Variants in NLRP7 observed in about 807,000 individuals in gnomAD.
The protein encoded by NLRP7 is NLR family pyrin domain containing 7, also known as NACHT, LRR and PYD domains-containing protein 7.
A neutral mutation model predicts 85.5 loss-of-function variants in NLRP7; 72 were observed. The observed-to-expected ratio is 0.84, with a 90% CI of 0.70 to 1.02. NLRP7 has a LOEUF of 1.02. Ranked by LOEUF, NLRP7 falls within the 50% of genes least tolerant of loss-of-function variation. The probability of loss-of-function intolerance (pLI) is 0.00; values close to 1 mark genes in which losing one functional copy is unlikely to be tolerated. For synonymous variants in NLRP7, 550 were observed against 505.2 expected, an observed-to-expected ratio of 1.09 and a Z score of -1.19; for missense variants, 1,243 against 1,219.5, an observed-to-expected ratio of 1.02 and a Z score of -0.29.
At chr19:54,960,122 G>C (rs2069989937) in intron 1 of NLRP7, among the ~76,000 whole-genome samples, 1 of 151,858 alleles carries the variant, frequency 6.6e-6, no homozygotes, top group Non-Finnish European at 1.5e-5. Context: ...TCCAACAGAA[G>C]TCTGGTGTTT....
At chr19:54,963,378 A>G (rs2146292315) in intron 1 of NLRP7, among the ~76,000 whole-genome samples, 1 of 152,146 alleles carries the variant, frequency 6.6e-6, no homozygotes. Context: ...AGATGTACAT[A>G]TACATATGTT....
intron 1 of NLRP7, among the ~76,000 whole-genome samples, chr19:54,947,201 T>C (rs2069512199): frequency 1.3e-5 from 2 of 152,034 alleles, no homozygotes; most frequent in South Asian, 4.2e-4. Flanking sequence ...GGCACGTGCC[T>C]GTAGTCCCAG....
chr19:54,964,502 C>T (rs936864809), intron 1 of NLRP7, among the ~76,000 whole-genome samples: 25 of 151,764 alleles, frequency 1.6e-4, no homozygotes, highest in Non-Finnish European at 3.5e-4. Context: ...AGGCGTGAGC[C>T]ACTGTGCCCG....
chr19:54,939,450 C>T, exon 4 of NLRP7: 1 of 1,613,866 alleles, frequency 6.2e-7, no homozygotes, highest in East Asian at 2.2e-5. Flanking sequence ...GAGACTCTGT[C>T]CTGGCGGAGG....
chr19:54,942,100 C>A (rs2069254520), intron 1 of NLRP7, among the ~76,000 whole-genome samples: 1 of 151,598 alleles, frequency 6.6e-6, no homozygotes, highest in Non-Finnish European at 1.5e-5. Flanking sequence ...TAAAAAAATA[C>A]AAAAAATTAG....
At chr19:54,936,730 C>A (rs2068945199) in intron 5 of NLRP7, among the ~76,000 whole-genome samples, 1 of 152,032 alleles carries the variant, frequency 6.6e-6, no homozygotes, top group Non-Finnish European at 1.5e-5. Flanking sequence ...GCCTGGCCAA[C>A]ATGGGGAAGC....
At chr19:54,939,118 G>A in exon 4 of NLRP7, 3 of 1,614,196 alleles carry the variant, frequency 1.9e-6, no homozygotes, top group Non-Finnish European at 2.5e-6. Context: ...CCTCCTTCAG[G>A]TCGGTCACGG....
At chr19:54,958,405 G>A (rs1247026103) in intron 1 of NLRP7, among the ~76,000 whole-genome samples, 9 of 150,932 alleles carry the variant, frequency 6.0e-5, no homozygotes, top group African/African-American at 1.7e-4. Context: ...ACTTTGGGAC[G>A]CCGAGGTGGG....
At chr19:54,958,113 G>C (rs745808379) in intron 1 of NLRP7, among the ~76,000 whole-genome samples, 2 of 152,016 alleles carry the variant, frequency 1.3e-5, no homozygotes, top group East Asian at 1.9e-4. Context: ...TACTTGGAAG[G>C]CTAGGGCAGG....
At chr19:54,923,597 A>G (rs2068308691) in exon 10 of NLRP7, 1 of 966,138 alleles carries the variant, frequency 1.0e-6, no homozygotes, top group East Asian at 2.4e-5. Flanking sequence ...AGAATCTCCC[A>G]AAAATAGTGA....
At chr19:54,944,754 G>A (rs889672991) in intron 1 of NLRP7, among the ~76,000 whole-genome samples, 1 of 151,368 alleles carries the variant, frequency 6.6e-6, no homozygotes, top group African/African-American at 2.4e-5. Flanking sequence ...GCGACACAAG[G>A]AGACCTTGTC....
At chr19:54,930,439 G>C in intron 9 of NLRP7, 60 bp downstream of exon 9, 1 of 1,230,576 alleles carries the variant, frequency 8.1e-7, no homozygotes, top group Middle Eastern at 2.2e-4. Flanking sequence ...TCCAGGCTGG[G>C]GGACAGAGCA....
At chr19:54,961,737 C>T (rs995894096) in intron 1 of NLRP7, among the ~76,000 whole-genome samples, 3 of 140,954 alleles carry the variant, frequency 2.1e-5, no homozygotes, top group Admixed American at 7.2e-5. Context: ...GCTTGAGCCC[C>T]GGAGGCAGAG....
intron 9 of NLRP7, among the ~76,000 whole-genome samples, chr19:54,924,182 G>A (rs999429118): frequency 1.3e-5 from 2 of 152,088 alleles, no homozygotes; most frequent in African/African-American, 4.8e-5. Flanking sequence ...TAGCCAGGCT[G>A]GTCTCGAACT....
At chr19:54,930,708 G>T (rs1569539322) in intron 8 of NLRP7, 42 bp from the exon 9 acceptor site, 3 of 1,558,768 alleles carry the variant, frequency 1.9e-6, no homozygotes, top group Non-Finnish European at 2.7e-6. Context: ...TATCCCTCTG[G>T]CTAACGCCCT....
At chr19:54,941,072 A>C (rs772352384) in intron 2 of NLRP7, 67 bp from the exon 3 acceptor site, 7 of 1,202,904 alleles carry the variant, frequency 5.8e-6, no homozygotes, top group Non-Finnish European at 8.7e-6. Context: ...ATTATTGTAC[A>C]TAAAGTGTCA....
chr19:54,939,760 G>A (rs753699739), exon 4 of NLRP7: 7 of 1,613,642 alleles, frequency 4.3e-6, no homozygotes, highest in African/African-American at 4.0e-5. Flanking sequence ...ACAGGGCCGC[G>A]TTGCTCCTCA....
intron 1 of NLRP7, among the ~76,000 whole-genome samples, chr19:54,946,105 CTA>C (rs2069459809): frequency 6.8e-6 from 1 of 146,572 alleles, no homozygotes; most frequent in Admixed American, 6.8e-5. Flanking sequence ...CAGGGTTTCT[CTA>C]TGTTGGCCAG....
At chr19:54,943,536 G>C (rs1240914886) in intron 1 of NLRP7, among the ~76,000 whole-genome samples, 1 of 150,194 alleles carries the variant, frequency 6.7e-6, no homozygotes, top group Non-Finnish European at 1.5e-5. Flanking sequence ...GGGAGGCGGA[G>C]CTTGCAGTGA....
Sources: gnomAD v4.1 joint callset for allele counts (sites outside exome capture counted in the v4.1 genomes callset) on GRCh38, gnomAD v4.1.1 for gene constraint, MANE v1.5 for transcripts, NCBI Gene and HGNC (gene_info 2026-07-23, HGNC 2026-07-21) for gene names.